The following COLEC10 variants were observed in gnomAD, a reference collection of about 807,000 sequenced individuals.
COLEC10 encodes collectin-10.
In COLEC10, 22 loss-of-function variants were observed where a neutral mutation model predicts 28.4. The observed-to-expected ratio is 0.78, with a 90% CI of 0.55 to 1.11. The LOEUF is 1.11. Among genes scored for constraint, COLEC10 ranks in the 50% least tolerant of loss-of-function variants. The probability of loss-of-function intolerance (pLI) is 0.00; values close to 1 mark genes in which losing one functional copy is unlikely to be tolerated. For missense variants in COLEC10, 361 were observed against 344.1 expected (o/e 1.05, Z -0.39); for synonymous variants, 125 against 116.1 (o/e 1.08, Z -0.49).
chr8:118,967,148 C>T, the COLEC10 span, among the ~76,000 whole-genome samples: 1 of 152,078 alleles, frequency 6.6e-6, no homozygotes, highest in Non-Finnish European at 1.5e-5. Flanking sequence ...TATATCTATA[C>T]TGGGTCTACT....
At chr8:119,082,059 AAAAG>A (rs1815381185) in intron 1 of COLEC10, among the ~76,000 whole-genome samples, 1 of 152,214 alleles carries the variant, frequency 6.6e-6, no homozygotes, top group African/African-American at 2.4e-5. Flanking sequence ...GATGGGAGGA[AAAAG>A]AAAGAGAGAG....
chr8:119,092,058 T>G (rs1038477996), intron 3 of COLEC10, among the ~76,000 whole-genome samples: 1 of 148,548 alleles, frequency 6.7e-6, no homozygotes, highest in Admixed American at 6.8e-5. Context: ...GTTTTCAGTC[T>G]TGTCCTAATT....
the COLEC10 span, among the ~76,000 whole-genome samples, chr8:118,968,952 T>C: frequency 2.2e-3 from 331 of 151,862 alleles, no homozygotes; most frequent in African/African-American, 7.3e-3. Context: ...CCACAATCAA[T>C]ACCCAGAAAC....
intron 2 of COLEC10, among the ~76,000 whole-genome samples, chr8:119,031,541 C>A (rs12681616): frequency 1.3e-5 from 2 of 152,042 alleles, no homozygotes; most frequent in Non-Finnish European, 2.9e-5. Flanking sequence ...GTCATGAAAA[C>A]AGAATTGTGT....
intron 1 of COLEC10, among the ~76,000 whole-genome samples, chr8:119,070,866 A>G (rs1261689497): frequency 6.6e-6 from 1 of 152,150 alleles, no homozygotes; most frequent in Non-Finnish European, 1.5e-5. Flanking sequence ...CTTTAAAATC[A>G]TTGTCTTGTT....
chr8:119,030,422 G>A (rs1563722117), intron 2 of COLEC10, among the ~76,000 whole-genome samples: 1 of 152,056 alleles, frequency 6.6e-6, no homozygotes, highest in African/African-American at 2.4e-5. Context: ...TCAGCACTGT[G>A]GGAGACTGAG....
At chr8:119,025,707 G>T (rs1161983408) in intron 2 of COLEC10, among the ~76,000 whole-genome samples, 3 of 152,166 alleles carry the variant, frequency 2.0e-5, no homozygotes, top group African/African-American at 7.2e-5. Context: ...TTAGATGTTT[G>T]CTAAGGATTT....
At chr8:119,070,237 T>G (rs570551926) in intron 1 of COLEC10, among the ~76,000 whole-genome samples, 1 of 152,178 alleles carries the variant, frequency 6.6e-6, no homozygotes, top group South Asian at 2.1e-4. Flanking sequence ...TGATAACCAA[T>G]GTGAACTTTA....
chr8:118,967,561 T>C, the COLEC10 span, among the ~76,000 whole-genome samples: 3 of 152,162 alleles, frequency 2.0e-5, no homozygotes, highest in Non-Finnish European at 2.9e-5. Context: ...TTATATATTA[T>C]GTATAAGATT....
chr8:119,006,045 A>C (rs574559072), intron 1 of COLEC10, among the ~76,000 whole-genome samples: 2 of 152,146 alleles, frequency 1.3e-5, no homozygotes, highest in African/African-American at 4.8e-5. Flanking sequence ...CTATGTGAAC[A>C]CTAAAACATT....
chr8:119,083,714 T>G (rs914812079), intron 1 of COLEC10, among the ~76,000 whole-genome samples: 12 of 152,188 alleles, frequency 7.9e-5, no homozygotes, highest in Non-Finnish European at 1.6e-4. Context: ...TAGTATAAGA[T>G]TTAATGTAAG....
At position 119,030,177 on chromosome 8, in the gene COLEC10, G is replaced by A. The variant is rs540992093; in HGVS notation, n.235+20624G>A. ...GGTACTATGGAAATATCTTAATTGT[G>A]GTCATCAATTGTAAAAGACTTTTAT... On this transcript the variant is annotated intron_variant and non_coding_transcript_variant, in intron 2 of 6. Transcript: ENST00000521788. Among the ~76,000 whole-genome samples, 338 of 152,158 alleles carry A rather than the reference G, an allele frequency of 2.2e-3. 1 individual carries two copies. The highest frequency in any genetic ancestry group is 2.9e-3 in the Non-Finnish European group (200 of 67,992).
At chr8:119,075,248 T>A (rs371020887) in intron 1 of COLEC10, among the ~76,000 whole-genome samples, 7 of 152,234 alleles carry the variant, frequency 4.6e-5, no homozygotes, top group African/African-American at 1.4e-4. Context: ...ACTTGGTAAC[T>A]CTGTTAGCAT....
chr8:118,993,707 C>T (rs1813543329), upstream of COLEC10, among the ~76,000 whole-genome samples: 1 of 152,160 alleles, frequency 6.6e-6, no homozygotes, highest in Non-Finnish European at 1.5e-5. Context: ...CCTATAAAGA[C>T]ACTGGTCATA....
At chr8:119,026,748 C>T (rs1355588169) in intron 2 of COLEC10, among the ~76,000 whole-genome samples, 1 of 152,078 alleles carries the variant, frequency 6.6e-6, no homozygotes, top group East Asian at 1.9e-4. Context: ...GGAAGTTGGC[C>T]GTGGGAACAT....
At chr8:118,967,123 A>T in the COLEC10 span, among the ~76,000 whole-genome samples, 261 of 152,272 alleles carry the variant, frequency 1.7e-3, 8 homozygotes, top group East Asian at 0.046. Flanking sequence ...ATATTAGAGT[A>T]ACACAGGGTG....
At chr8:118,974,479 A>C in the COLEC10 span, among the ~76,000 whole-genome samples, 1 of 151,972 alleles carries the variant, frequency 6.6e-6, no homozygotes, top group Non-Finnish European at 1.5e-5. Context: ...GAATTCCTTC[A>C]AGGACATTCA....
the COLEC10 span, among the ~76,000 whole-genome samples, chr8:118,975,873 C>A: frequency 6.6e-6 from 1 of 152,012 alleles, no homozygotes; most frequent in Admixed American, 6.6e-5. Flanking sequence ...GAATTTCTTA[C>A]CGTGACCTTG....
In COLEC10 at chr8:119,098,032, G is replaced by A. The variant is rs759586501; in HGVS notation, c.293-4316G>A. ...CCTCCAGAACTCTTTTCAACTTCCA[G>A]AACTGAAGCTCTGTACCCAGTAAAC... On this transcript the variant is annotated intron_variant, in intron 3 of 5. Coordinates refer to ENST00000332843, the MANE Select transcript of COLEC10 (RefSeq NM_006438.5). 5.7e-4 allele frequency among the ~76,000 whole-genome samples: 86 copies of A among 152,074 alleles called. 2 individuals are homozygous for A. Among genetic ancestry groups the A allele is most frequent in the South Asian group, 4.2e-4 (2 of 4,814 alleles).
Sources: allele counts gnomAD v4.1 joint callset (sites outside exome capture counted in the v4.1 genomes callset), GRCh38; gene constraint gnomAD v4.1.1; transcripts MANE v1.5; gene names NCBI Gene and HGNC (gene_info 2026-07-23, HGNC 2026-07-21).